CDR2: variants seen among roughly 807,000 people sequenced by gnomAD.
CDR2 encodes the protein cerebellar degeneration-related protein 2.
A neutral mutation model predicts 48.4 loss-of-function variants in CDR2; 34 were observed. That is an observed-to-expected ratio of 0.70 (90% CI 0.53 to 0.94). The LOEUF (loss-of-function observed/expected upper bound fraction) is 0.94. CDR2 is among the 40% of genes least tolerant of loss of function. The pLI is 0.00. For synonymous variants in CDR2, 240 were observed against 219.7 expected (o/e 1.09, Z -0.82); for missense variants, 498 against 549.5 (o/e 0.91, Z 0.94).
chr16:22,361,416 G>A (rs1322214253), intron 2 of CDR2, among the ~76,000 whole-genome samples: 1 of 152,220 alleles, frequency 6.6e-6, no homozygotes, highest in Non-Finnish European at 1.5e-5. Context: ...ATATGCAAGG[G>A]TCATTGTTTA....
At chr16:22,372,454 T>C (rs1410317990) in intron 1 of CDR2, among the ~76,000 whole-genome samples, 1 of 152,200 alleles carries the variant, frequency 6.6e-6, no homozygotes, top group Non-Finnish European at 1.5e-5. Context: ...TGCTAGATGC[T>C]GGAAACACAA....
intron 2 of CDR2, among the ~76,000 whole-genome samples, chr16:22,354,593 A>G (rs941333869): frequency 6.6e-6 from 1 of 152,124 alleles, no homozygotes; most frequent in African/African-American, 2.4e-5. Flanking sequence ...GCATTTTAAA[A>G]CTTTCTATTG....
chr16:22,368,789 T>C (rs1425793478), intron 1 of CDR2: 2 of 152,338 alleles, frequency 1.3e-5, no homozygotes, highest in East Asian at 3.9e-4. Flanking sequence ...GTTGAGGTAC[T>C]TAATTTCTTC....
chr16:22,352,263 C>T (rs1026648179), intron 2 of CDR2, among the ~76,000 whole-genome samples: 1 of 152,102 alleles, frequency 6.6e-6, no homozygotes, highest in African/African-American at 2.4e-5. Flanking sequence ...ACACAACACA[C>T]TCTTCTTGAG....
intron 4 of CDR2, 140 bp from the exon 5 acceptor site, chr16:22,347,963 G>C: frequency 6.2e-6 from 5 of 804,834 alleles, no homozygotes; most frequent in Non-Finnish European, 9.5e-6. Context: ...TTTTGAGACG[G>C]AGTCTCACTT....
intron 2 of CDR2, among the ~76,000 whole-genome samples, chr16:22,351,441 T>TG (rs1001441492): frequency 2.6e-5 from 4 of 152,004 alleles, no homozygotes; most frequent in African/African-American, 9.7e-5. Flanking sequence ...ATTGACACCC[T>TG]GTCTTCCACA....
chr16:22,367,458 G>A (rs2049050949), intron 1 of CDR2, among the ~76,000 whole-genome samples: 1 of 152,192 alleles, frequency 6.6e-6, no homozygotes, highest in Non-Finnish European at 1.5e-5. Flanking sequence ...TATGATAGAA[G>A]CATGAGGGAT....
chr16:22,365,377 A>G (rs752782140), intron 1 of CDR2, among the ~76,000 whole-genome samples: 26 of 152,204 alleles, frequency 1.7e-4, no homozygotes, highest in Non-Finnish European at 2.4e-4. Flanking sequence ...GAGCCAAGGT[A>G]TAGGTGGAGC....
At chr16:22,362,634 T>C (rs1285374305) in intron 2 of CDR2, among the ~76,000 whole-genome samples, 1 of 152,214 alleles carries the variant, frequency 6.6e-6, no homozygotes, top group African/African-American at 2.4e-5. Flanking sequence ...TCTACACAAA[T>C]ACAAACAGTG....
intron 2 of CDR2, among the ~76,000 whole-genome samples, chr16:22,357,784 A>T (rs2048985066): frequency 6.6e-6 from 1 of 152,216 alleles, no homozygotes; most frequent in Non-Finnish European, 1.5e-5. Flanking sequence ...AATAAGTACA[A>T]ACAGGCCATT....
intron 2 of CDR2, among the ~76,000 whole-genome samples, chr16:22,350,421 A>AC (rs1173089692): frequency 1.3e-5 from 2 of 151,936 alleles, no homozygotes; most frequent in African/African-American, 4.8e-5. Flanking sequence ...TCAAGCTCCA[A>AC]CCCTTCCCTC....
chr16:22,347,916 G>T, intron 4 of CDR2, 93 bp from the exon 5 acceptor site: 1 of 1,243,938 alleles, frequency 8.0e-7, no homozygotes, highest in Non-Finnish European at 1.1e-6. Context: ...AAATAAATTT[G>T]AGGAGCTGTG....
intron 1 of CDR2, chr16:22,366,986 AG>A (rs1485013201): frequency 6.6e-6 from 1 of 152,172 alleles, no homozygotes; most frequent in Non-Finnish European, 1.5e-5. Flanking sequence ...AAAGCGGGGG[AG>A]AAAAACCTGG....
intron 2 of CDR2, among the ~76,000 whole-genome samples, chr16:22,353,373 G>A (rs1453448528): frequency 6.6e-6 from 1 of 152,158 alleles, no homozygotes; most frequent in African/African-American, 2.4e-5. Context: ...TTGAGGTCTT[G>A]CTTTGCTGTT....
rs1368495086 is a variant in CDR2, at chr16:22,364,945, T to C, written c.149A>G (p.Gln50Arg). The stretch of plus-strand genomic sequence containing the variant: ...CTCCTGATTGGTTGTATACATCTGC[T>C]GAACAGAGTCCTCCAACTCTGTGTT... Reference protein sequence around the residue: ...DRNTELEDSVQQMYTTNQEQL... With the variant: ...DRNTELEDSVRQMYTTNQEQL... The change falls in exon 2 of 5, where the codon CAG (glutamine) becomes CGG (arginine). Residue 50 changes from glutamine to arginine, a missense_variant. Gln to Arg is a conservative substitution (Grantham distance 43). Transcript: ENST00000268383. The C allele has an allele frequency of 9.9e-6, 16 of 1,613,418 alleles. No homozygotes were observed. Among genetic ancestry groups the C allele is most frequent in the Non-Finnish European group, 1.4e-5 (16 of 1,179,410 alleles).
chr16:22,372,468 A>G (rs2049084924), intron 1 of CDR2, among the ~76,000 whole-genome samples: 2 of 152,194 alleles, frequency 1.3e-5, no homozygotes, highest in African/African-American at 4.8e-5. Context: ...AACACAAGAA[A>G]AAAGAACCTG....
intron 1 of CDR2, among the ~76,000 whole-genome samples, chr16:22,373,985 C>T (rs974247195): frequency 1.3e-5 from 2 of 152,244 alleles, no homozygotes; most frequent in African/African-American, 4.8e-5. Context: ...CGGTGCCTGG[C>T]TCGTCCCTGG....
At position 22,374,482 on chromosome 16, in the gene CDR2, C is replaced by T. The variant is rs1029532122; in HGVS notation, c.-173G>A. 3.9e-6 allele frequency: 1 copy of T among 255,008 alleles called. No homozygotes were observed. The highest frequency in any genetic ancestry group is 7.3e-6 in the Non-Finnish European group (1 of 136,244). The allele number at this position is 255,008 out of a possible 1,614,324, so 15.8% of individuals were successfully genotyped here. A position where few individuals can be genotyped will look rare whatever the true frequency, so the allele number is the denominator to read the frequency against. ...CCCGTTCCCGCCGGCGGCCGCCGAC[C>T]GGCCGGCTGCCTCGACTCGCCTCGC... On this transcript the variant is annotated 5_prime_UTR_variant, in exon 1 of 5. Coordinates refer to ENST00000268383, the MANE Select transcript of CDR2 (RefSeq NM_001802.2).
chr16:22,373,703 C>T (rs1347801738), intron 1 of CDR2, among the ~76,000 whole-genome samples: 3 of 152,262 alleles, frequency 2.0e-5, no homozygotes, highest in Non-Finnish European at 4.4e-5. Context: ...ATATATACAC[C>T]TACCATGTAC....
Sources: gnomAD v4.1 joint callset for allele counts (sites outside exome capture counted in the v4.1 genomes callset) on GRCh38, gnomAD v4.1.1 for gene constraint, MANE v1.5 for transcripts, NCBI Gene and HGNC (gene_info 2026-07-23, HGNC 2026-07-21) for gene names.